CA3: variants seen among roughly 807,000 people sequenced by gnomAD.
CA3 encodes the protein CA-III.
A neutral mutation model predicts 35.7 loss-of-function variants in CA3; 30 were observed. The ratio of observed to expected loss-of-function variants is 0.84; its 90% CI spans 0.63 to 1.14. The LOEUF (loss-of-function observed/expected upper bound fraction) is 1.14, where lower values mean the gene tolerates loss of function less well. CA3 is among the 50% of genes most tolerant of loss of function. The pLI, the probability that CA3 is intolerant of heterozygous loss-of-function variation, is 0.00. For synonymous variants in CA3, 131 were observed against 130.8 expected (o/e 1.00, Z -0.01); for missense variants, 295 against 328.5 (o/e 0.90, Z 0.79).
chr8:85,445,503 AACACACACACACACAC>A (rs766933947), intron 5 of CA3, among the ~76,000 whole-genome samples: 1 of 123,294 alleles, frequency 8.1e-6, no homozygotes, highest in African/African-American at 3.8e-5. Flanking sequence ...ATCCTCGCCC[AACACACACACACACAC>A]ACACACACAC....
In CA3 at chr8:85,442,173, A is replaced by G; in HGVS notation, c.333A>G (p.Gly111=). The G allele has an allele frequency of 6.3e-7, 1 of 1,588,688 alleles. No homozygotes were observed. Among genetic ancestry groups the G allele is most frequent in the Non-Finnish European group, 8.6e-7 (1 of 1,156,724 alleles). ...DDHGSEHTVD[G]VKYAAELHLV... Reference sequence around the variant, plus strand: ...ATGGCTCTGAGCACACCGTGGATGGAGTCAAGTATGCAGCGGAGGTAAGAG... The same window carrying G: ...ATGGCTCTGAGCACACCGTGGATGGGGTCAAGTATGCAGCGGAGGTAAGAG... The change falls in exon 3 of 7, where the codon GGA becomes GGG. Residue 111 remains glycine, a synonymous_variant. Coordinates refer to ENST00000285381, the MANE Select transcript of CA3 (RefSeq NM_005181.4).
intron 2 of CA3, 63 bp downstream of exon 2, chr8:85,439,972 G>A: frequency 1.5e-6 from 2 of 1,306,936 alleles, no homozygotes; most frequent in South Asian, 2.4e-5. Context: ...ACAAAATGTG[G>A]TTTATGACAC....
At chr8:85,439,494 A>G (rs1811177551) in intron 1 of CA3, among the ~76,000 whole-genome samples, 1 of 152,240 alleles carries the variant, frequency 6.6e-6, no homozygotes, top group Non-Finnish European at 1.5e-5. Context: ...TTGAGCAGGC[A>G]GAGTGAACAC....
At chr8:85,442,916 C>T (rs969593368) in intron 3 of CA3, among the ~76,000 whole-genome samples, 3 of 152,146 alleles carry the variant, frequency 2.0e-5, no homozygotes, top group Non-Finnish European at 2.9e-5. Context: ...TAAAGTCACA[C>T]GGCTGGTGAG....
chr8:85,446,170 A>G lies in CA3; in HGVS notation c.536A>G (p.Asp179Gly), dbSNP rs780721980. ...KGKEAPFTKF[D>G]PSCLFPACRD... ...AAGGAGGCGCCCTTCACAAAGTTTG[A>G]CCCATCCTGCCTGTTCCCGGCATGC... is the stretch of plus-strand genomic sequence containing the variant. Residue 179 changes from aspartate (D) to glycine (G), a missense_variant, in exon 6 of 7, where the codon GAC becomes GGC. Physicochemically the swap from Asp to Gly is moderately conservative, Grantham distance 94. Coordinates refer to ENST00000285381, the MANE Select transcript of CA3 (RefSeq NM_005181.4). 6.2e-7 allele frequency: 1 copy of G among 1,612,350 alleles called. No homozygotes were observed. The highest frequency in any genetic ancestry group is 8.5e-7 in the Non-Finnish European group (1 of 1,179,002).
chr8:85,445,224 CA>C lies in CA3; in HGVS notation c.507+11del. ...TGGACAAGATTAAGACAAAGGTAAA[CA>C]AAAATCATTTTCCCTCCTAAAACAT... On this transcript the variant is annotated splice_region_variant and intron_variant, in intron 5 of 6. Coordinates refer to ENST00000285381, the MANE Select transcript of CA3 (RefSeq NM_005181.4). The C allele has an allele frequency of 6.3e-7, 1 of 1,576,198 alleles. No homozygotes were observed.
At position 85,442,112 on chromosome 8, in the gene CA3, G is replaced by T. The variant is rs762494962; in HGVS notation, c.272G>T (p.Arg91Leu). The change falls in exon 3 of 7, where the codon CGC becomes CTC. Residue 91 changes from arginine (R) to leucine (L), a missense_variant. Arg to Leu is a moderately radical substitution (Grantham distance 102). Transcript: ENST00000285381. ...CCTCTCCCTGGACCCTACCGACTTC[G>T]CCAGTTTCATCTTCACTGGGGCTCT... ...GGPLPGPYRL[R>L]QFHLHWGSSD... 17 of 1,608,040 alleles carry T rather than the reference G, an allele frequency of 1.1e-5. No homozygotes were observed. Among genetic ancestry groups the T allele is most frequent in the Non-Finnish European group, 1.4e-5 (16 of 1,174,616 alleles).
chr8:85,444,351 T>A (rs1811250035), intron 4 of CA3, among the ~76,000 whole-genome samples: 1 of 149,602 alleles, frequency 6.7e-6, no homozygotes, highest in African/African-American at 2.4e-5. Context: ...ACTTCTAAAT[T>A]TTCCCCAGAT....
At chr8:85,445,329 A>C in intron 5 of CA3, 111 bp downstream of exon 5, 1 of 635,384 alleles carries the variant, frequency 1.6e-6, no homozygotes, top group South Asian at 2.2e-5. Context: ...TTTGATGGAT[A>C]TGCTAAGCAT....
intron 4 of CA3, 31 bp from the exon 5 acceptor site, chr8:85,445,125 G>T (rs1205031113): frequency 6.7e-7 from 1 of 1,481,804 alleles, no homozygotes; most frequent in Non-Finnish European, 9.3e-7. Flanking sequence ...AGAAGTAAAA[G>T]AACTATACTT....
intron 6 of CA3, among the ~76,000 whole-genome samples, chr8:85,447,813 C>T (rs1335287188): frequency 1.3e-5 from 2 of 152,118 alleles, no homozygotes; most frequent in Non-Finnish European, 2.9e-5. Context: ...GCAGGAGAAT[C>T]GCTTGAGTTC....
intron 6 of CA3, among the ~76,000 whole-genome samples, chr8:85,446,709 T>G (rs184113851): frequency 3.7e-4 from 57 of 152,338 alleles, no homozygotes; most frequent in Admixed American, 1.0e-3. Flanking sequence ...ATATATTATT[T>G]CTGCAGTTTT....
chr8:85,444,823 G>T (rs1331714879), intron 4 of CA3, among the ~76,000 whole-genome samples: 1 of 152,170 alleles, frequency 6.6e-6, no homozygotes, highest in Non-Finnish European at 1.5e-5. Flanking sequence ...GAAAGACAAT[G>T]AGTTTAGTTT....
chr8:85,439,960 T>G, intron 2 of CA3, 51 bp downstream of exon 2: 1 of 1,425,822 alleles, frequency 7.0e-7, no homozygotes, highest in Non-Finnish European at 9.8e-7. Flanking sequence ...AGGTCCATAT[T>G]GACAAAATGT....
Position 85,448,291 on chromosome 8 carries a change from C to G in CA3, c.*138C>G. ...CAATGAATGTGAGAGATGTGGTCAC[C>G]AAGATCTAAGTTACTTGTTGAAAGA... On this transcript the variant is annotated 3_prime_UTR_variant, in exon 7 of 7. Transcript: ENST00000285381. 1.2e-6 allele frequency: 1 copy of G among 803,682 alleles called. No homozygotes were observed. Among genetic ancestry groups the G allele is most frequent in the Non-Finnish European group, 1.8e-6 (1 of 553,796 alleles). The allele number at this position is 803,682 out of a possible 1,614,324, so 49.8% of individuals were successfully genotyped here. A position where few individuals can be genotyped will look rare whatever the true frequency, so the allele number is the denominator to read the frequency against.
chr8:85,448,103 C>A lies in CA3; in HGVS notation c.733C>A (p.Arg245=), dbSNP rs779091963. The part of the protein sequence containing the change: ...EPPVPLVSNW[R]PPQPINNRVV... ...CCCAGTGCCTCTTGTGAGCAACTGG[C>A]GACCTCCACAGCCTATCAATAACAG... Residue 245 remains arginine (R), a synonymous_variant, in exon 7 of 7, where the codon CGA becomes AGA. Coordinates refer to ENST00000285381, the MANE Select transcript of CA3 (RefSeq NM_005181.4). The A allele has an allele frequency of 1.2e-6, 2 of 1,613,388 alleles. No individual in the cohort carries two copies. Among genetic ancestry groups the A allele is most frequent in the Admixed American group, 1.7e-5 (1 of 59,918 alleles).
At chr8:85,441,152 GC>G (rs1451161032) in intron 2 of CA3, among the ~76,000 whole-genome samples, 1 of 152,134 alleles carries the variant, frequency 6.6e-6, no homozygotes, top group Admixed American at 6.5e-5. Context: ...CTTTCCCTGG[GC>G]CACTTAGTGT....
chr8:85,439,977 T>C, intron 2 of CA3, 68 bp downstream of exon 2: 2 of 1,228,304 alleles, frequency 1.6e-6, no homozygotes, highest in Non-Finnish European at 2.4e-6. Flanking sequence ...ATGTGGTTTA[T>C]GACACAGTAC....
chr8:85,446,215 AG>A lies in CA3; in HGVS notation c.584del (p.Gly195AlafsTer17). 6.2e-7 allele frequency: 1 copy of A among 1,614,130 alleles called. No individual in the cohort carries two copies. The highest frequency in any genetic ancestry group is 8.5e-7 in the Non-Finnish European group (1 of 1,180,006). On this transcript the variant is annotated frameshift_variant, in exon 6 of 7. Coordinates refer to ENST00000285381, the MANE Select transcript of CA3 (RefSeq NM_005181.4). LOFTEE classifies it high-confidence loss of function. ...GCATGCCGGGACTACTGGACCTACC[AG>A]GGCTCATTCACCACGCCGCCCTGCG... Reference protein sequence around the residue: ...FPACRDYWTYQGSFTTPPCEE... With the variant: ...FPACRDYWTYXGSFTTPPCEE...
Sources: allele counts gnomAD v4.1 joint callset (sites outside exome capture counted in the v4.1 genomes callset), GRCh38; gene constraint gnomAD v4.1.1; transcripts MANE v1.5; gene names NCBI Gene and HGNC (gene_info 2026-07-23, HGNC 2026-07-21).